Variants in TIAM1 observed in about 807,000 individuals in gnomAD.
TIAM1 encodes the protein TIAM Rac1 associated GEF 1, also known as rho guanine nucleotide exchange factor TIAM1.
In TIAM1, 65 loss-of-function variants were observed where a neutral mutation model predicts 163.5. The ratio of observed to expected loss-of-function variants is 0.40; its 90% CI spans 0.33 to 0.49. TIAM1 has a LOEUF of 0.49. Ranked by LOEUF, TIAM1 falls within the 20% of genes least tolerant of loss-of-function variation. The pLI is 0.77. For missense variants in TIAM1, 1,789 were observed against 2,044.7 expected (o/e 0.87, Z 2.41); for synonymous variants, 833 against 810.1 (o/e 1.03, Z -0.48).
At chr21:31,327,607 C>G (rs2075532414) in intron 2 of TIAM1, among the ~76,000 whole-genome samples, 1 of 135,692 alleles carries the variant, frequency 7.4e-6, no homozygotes, top group Non-Finnish European at 1.5e-5. Flanking sequence ...TGCCACTGCA[C>G]TCCAGCCTGG....
intron 13 of TIAM1, 84 bp downstream of exon 13, chr21:31,195,140 G>T: frequency 9.0e-7 from 1 of 1,113,614 alleles, no homozygotes. Context: ...AGGACTCAAA[G>T]GCATTTTGTT....
intron 1 of TIAM1, among the ~76,000 whole-genome samples, chr21:31,469,326 C>A (rs1337870385): frequency 6.6e-6 from 1 of 151,864 alleles, no homozygotes; most frequent in Admixed American, 6.6e-5. Flanking sequence ...GTCTCAAACT[C>A]CAGGGCTCAA....
At chr21:31,194,442 A>T (rs1042363021) in intron 13 of TIAM1, among the ~76,000 whole-genome samples, 2 of 152,172 alleles carry the variant, frequency 1.3e-5, no homozygotes, top group African/African-American at 4.8e-5. Context: ...ACTTATTTTG[A>T]GATTTCTCAA....
intron 12 of TIAM1, among the ~76,000 whole-genome samples, chr21:31,200,223 G>A (rs2086124185): frequency 6.6e-6 from 1 of 152,034 alleles, no homozygotes; most frequent in Admixed American, 6.5e-5. Context: ...TCTATTCCCA[G>A]CTACTTGGGA....
chr21:31,447,272 A>G (rs888015210), intron 2 of TIAM1, among the ~76,000 whole-genome samples: 3 of 152,106 alleles, frequency 2.0e-5, no homozygotes, highest in African/African-American at 4.8e-5. Context: ...CAACTGGGAA[A>G]AAAATTTTTT....
intron 2 of TIAM1, among the ~76,000 whole-genome samples, chr21:31,379,107 G>C (rs951853661): frequency 2.0e-5 from 3 of 152,238 alleles, no homozygotes; most frequent in African/African-American, 7.2e-5. Flanking sequence ...AAGTAGCTAA[G>C]ATTACAGGCA....
chr21:31,448,545 G>A (rs925205474), intron 2 of TIAM1, among the ~76,000 whole-genome samples: 5 of 150,774 alleles, frequency 3.3e-5, no homozygotes, highest in Non-Finnish European at 5.9e-5. Context: ...AGTAGAGATT[G>A]CAGTGAGCCA....
chr21:31,322,194 T>C (rs1020590203), intron 2 of TIAM1, among the ~76,000 whole-genome samples: 2 of 152,252 alleles, frequency 1.3e-5, no homozygotes, highest in Non-Finnish European at 2.9e-5. Context: ...ATAATGAATA[T>C]GCATGATTAT....
At chr21:31,381,148 G>A (rs1014441773) in intron 2 of TIAM1, among the ~76,000 whole-genome samples, 1 of 152,160 alleles carries the variant, frequency 6.6e-6, no homozygotes, top group African/African-American at 2.4e-5. Flanking sequence ...CAAGCTGACT[G>A]TTTAGTGCTG....
rs77126915 is a variant in TIAM1, at chr21:31,362,898, C to T, written c.-368-23476G>A. 3.9e-5 allele frequency among the ~76,000 whole-genome samples: 6 copies of T among 152,192 alleles called. No individual in the cohort carries two copies. In the East Asian group the frequency reaches 9.6e-4, roughly 24 times the overall value. On this transcript the variant is annotated intron_variant, in intron 2 of 28. Coordinates refer to the TIAM1 transcript ENST00000286827. ...TAGGATGCCCTACAGAACAGGACAT[C>T]GAGTTCTCTGATGGGTATTTTTTTT... is the stretch of plus-strand genomic sequence containing the variant.
chr21:31,481,246 A>G (rs2046100553), intron 1 of TIAM1, among the ~76,000 whole-genome samples: 1 of 152,170 alleles, frequency 6.6e-6, no homozygotes, highest in Admixed American at 6.5e-5. Context: ...GATTTAACCC[A>G]GATGCCAAAG....
At chr21:31,495,637 G>A (rs1427330022) in intron 1 of TIAM1, among the ~76,000 whole-genome samples, 2 of 152,216 alleles carry the variant, frequency 1.3e-5, no homozygotes, top group Non-Finnish European at 2.9e-5. Flanking sequence ...TGACATTTCA[G>A]TCAGTGACAG....
intron 6 of TIAM1, among the ~76,000 whole-genome samples, chr21:31,236,454 AT>A (rs2088770140): frequency 6.6e-6 from 1 of 152,200 alleles, no homozygotes; most frequent in South Asian, 2.1e-4. Context: ...AACAAAGAGA[AT>A]GAAGACCTCG....
At chr21:31,234,946 G>T (rs1447019373) in intron 6 of TIAM1, among the ~76,000 whole-genome samples, 4 of 152,116 alleles carry the variant, frequency 2.6e-5, no homozygotes, top group Non-Finnish European at 4.4e-5. Context: ...AAACCAAGGG[G>T]AAATGATCTC....
chr21:31,442,089 A>ATATATAT (rs1555982237), intron 2 of TIAM1, among the ~76,000 whole-genome samples: 16 of 123,916 alleles, frequency 1.3e-4, no homozygotes, highest in Non-Finnish European at 2.1e-4. Flanking sequence ...ATATATATAG[A>ATATATAT]ACAATAAGGG....
At chr21:31,323,811 A>T (rs2075395529) in intron 2 of TIAM1, among the ~76,000 whole-genome samples, 1 of 152,058 alleles carries the variant, frequency 6.6e-6, no homozygotes, top group African/African-American at 2.4e-5. Flanking sequence ...AGTCTGGGTG[A>T]CAGAGTGGGA....
intron 2 of TIAM1, among the ~76,000 whole-genome samples, chr21:31,280,750 G>C (rs1223942652): frequency 6.6e-6 from 1 of 150,844 alleles, no homozygotes; most frequent in East Asian, 2.0e-4. Flanking sequence ...TTTAATCCTT[G>C]GCTTTTCCAA....
In TIAM1 at chr21:31,120,713, A is replaced by G. The variant is rs762194; in HGVS notation, c.4431T>C (p.Gly1477=). 775,951 of 1,613,596 alleles carry G rather than the reference A, an allele frequency of 0.48. 190,849 individuals are homozygous for G. Among genetic ancestry groups the G allele is most frequent in the East Asian group, 0.74 (33,231 of 44,798 alleles). ...PEKESQQPPG[G]GDTDRWVEEQ... ...CCTCTACCCATCGGTCAGTGTCCCC[A>G]CCACCGGGGGGCTGCTGGGACTCTT... The change falls in exon 28 of 28, where the codon GGT becomes GGC. Residue 1477 remains glycine, a synonymous_variant. Transcript: ENST00000541036. The surrounding 1 kb of genome is among the most constrained non-coding windows in gnomAD (Gnocchi z 4.2).
At chr21:31,524,125 G>A (rs960069995) in intron 1 of TIAM1, among the ~76,000 whole-genome samples, 2 of 152,064 alleles carry the variant, frequency 1.3e-5, no homozygotes, top group South Asian at 4.1e-4. Context: ...TAGTGTGTCA[G>A]GCCACTTTTG....
Sources: gnomAD v4.1 joint callset for allele counts (sites outside exome capture counted in the v4.1 genomes callset) on GRCh38, gnomAD v4.1.1 for gene constraint, Gnocchi (gnomAD v3.1) non-coding constraint, MANE v1.5 for transcripts, NCBI Gene and HGNC (gene_info 2026-07-23, HGNC 2026-07-21) for gene names.